Variants in PROC observed in about 807,000 individuals in gnomAD.
The protein encoded by PROC is vitamin K-dependent protein C.
PROC carries 22 observed loss-of-function variants against 36.3 expected under a neutral mutation model. The observed-to-expected ratio is 0.61, with a 90% CI of 0.43 to 0.86. The LOEUF (loss-of-function observed/expected upper bound fraction) is 0.86. Ranked by LOEUF, PROC falls within the 40% of genes least tolerant of loss-of-function variation. The probability of loss-of-function intolerance (pLI) is 0.00; values close to 1 mark genes in which losing one functional copy is unlikely to be tolerated. For synonymous variants in PROC, 218 were observed against 244.5 expected (o/e 0.89, Z 1.01); for missense variants, 526 against 629.7 (o/e 0.84, Z 1.76).
chr2:127,420,107 T>G, intron 2 of PROC, 95 bp downstream of exon 2: 2 of 1,401,706 alleles, frequency 1.4e-6, no homozygotes, highest in Non-Finnish European at 2.0e-6. Context: ...ACCATCTCTC[T>G]GAGCCCTGGG....
intron 6 of PROC, among the ~76,000 whole-genome samples, 174 bp from the exon 7 acceptor site, chr2:127,425,911 A>T (rs934824621): frequency 6.6e-6 from 1 of 152,122 alleles, no homozygotes; most frequent in Non-Finnish European, 1.5e-5. Context: ...TGACTGACTG[A>T]CTGGCTGACT....
At chr2:127,424,205 T>C (rs937356410) in intron 6 of PROC, among the ~76,000 whole-genome samples, 4 of 151,962 alleles carry the variant, frequency 2.6e-5, no homozygotes, top group Admixed American at 2.6e-4. Context: ...TTCTTTTTTT[T>C]CTTTTTTTTT....
intron 3 of PROC, among the ~76,000 whole-genome samples, 170 bp from the exon 4 acceptor site, chr2:127,422,747 G>C (rs1474179783): frequency 6.6e-6 from 1 of 151,776 alleles, no homozygotes. Flanking sequence ...GAGGGCGGGG[G>C]AGGGGCAGGG....
At chr2:127,420,044 T>C (rs1053834125) in intron 2 of PROC, 32 bp downstream of exon 2, 29 of 1,609,534 alleles carry the variant, frequency 1.8e-5, no homozygotes, top group South Asian at 8.8e-5. Flanking sequence ...CCCGGGACCC[T>C]TGTGGCCTCT....
chr2:127,421,787 G>A (rs1288780057), intron 3 of PROC, among the ~76,000 whole-genome samples: 4 of 152,206 alleles, frequency 2.6e-5, no homozygotes, highest in Admixed American at 1.3e-4. Flanking sequence ...AGACCACCCT[G>A]CTTCCACCCA....
chr2:127,427,031 A>G, intron 7 of PROC, 74 bp from the exon 8 acceptor site: 1 of 1,314,330 alleles, frequency 7.6e-7, no homozygotes, highest in Non-Finnish European at 1.1e-6. Context: ...GAAAGTGCAT[A>G]TGAAACCCAG....
At position 127,418,793 on chromosome 2, in the gene PROC, T is replaced by A. The variant is rs563007884; in HGVS notation, c.-22+301T>A. Among the ~76,000 whole-genome samples the A allele has an allele frequency of 4.9e-4, 74 of 152,190 alleles. No homozygotes were observed. The highest frequency in any genetic ancestry group is 9.7e-4 in the Non-Finnish European group (66 of 68,022). The stretch of plus-strand genomic sequence containing the variant: ...CACCCCACTTCCACCTTTGGGGGTG[T>A]CGGATTTGAACAAATCTCAGAAGTG... On this transcript the variant is annotated intron_variant, in intron 1 of 8. Transcript: ENST00000234071. The surrounding 1 kb of genome is among the most constrained non-coding windows in gnomAD (Gnocchi z 4.8).
At chr2:127,424,216 G>C (rs765709032) in intron 6 of PROC, among the ~76,000 whole-genome samples, 3 of 143,556 alleles carry the variant, frequency 2.1e-5, no homozygotes, top group Admixed American at 1.4e-4. Flanking sequence ...CTTTTTTTTT[G>C]AGATGGAGTT....
chr2:127,421,508 G>T, intron 3 of PROC, 59 bp downstream of exon 3: 1 of 1,594,192 alleles, frequency 6.3e-7, no homozygotes, highest in Non-Finnish European at 8.6e-7. Context: ...ACCAGCAGGG[G>T]CCTCGAGGAG....
At position 127,428,943 on chromosome 2, in the gene PROC, T is replaced by G. The variant is rs1486163339; in HGVS notation, c.1383T>G (p.Pro461=). Residue 461 remains proline (P), a synonymous_variant, in exon 9 of 9, where the codon CCT becomes CCG. Transcript: ENST00000234071. ...DKEAPQKSWA[P] is the part of the protein sequence containing the mutation. ...AAGCCCCCCAGAAGAGCTGGGCACCTTAGCGACCCTCCCTGCAGGGCTGGG... is the reference window on the plus strand; with the variant it reads ...AAGCCCCCCAGAAGAGCTGGGCACCGTAGCGACCCTCCCTGCAGGGCTGGG... 6.2e-7 allele frequency: 1 copy of G among 1,613,846 alleles called. No homozygotes were observed. Among genetic ancestry groups the G allele is most frequent in the South Asian group, 1.1e-5 (1 of 91,080 alleles).
intron 4 of PROC, 34 bp downstream of exon 4, chr2:127,422,975 G>A (rs1345535240): frequency 6.2e-7 from 1 of 1,611,484 alleles, no homozygotes; most frequent in Non-Finnish European, 8.5e-7. Context: ...CTGGACTACC[G>A]GCGCCCGCGC....
Position 127,420,023 on chromosome 2 carries a change from C to T in PROC, c.70+11C>T. 4 of 1,612,740 alleles carry T rather than the reference C, an allele frequency of 2.5e-6. No homozygotes were observed. Among genetic ancestry groups the T allele is most frequent in the South Asian group, 1.1e-5 (1 of 91,022 alleles). On this transcript the variant is annotated intron_variant, in intron 2 of 8. Coordinates refer to ENST00000234071, the MANE Select transcript of PROC (RefSeq NM_000312.4). ...CACCAGCTCCTCTTGGTAAGGCCACCCCACCCCTACCCCGGGACCCTTGTG... is the reference window on the plus strand; with the variant it reads ...CACCAGCTCCTCTTGGTAAGGCCACTCCACCCCTACCCCGGGACCCTTGTG...
At chr2:127,420,676 C>T (rs1485559840) in intron 2 of PROC, among the ~76,000 whole-genome samples, 3 of 152,090 alleles carry the variant, frequency 2.0e-5, no homozygotes, top group African/African-American at 7.2e-5. Context: ...GTGCCCTGCA[C>T]CCAAGACAGA....
At chr2:127,422,834 C>T (rs1688189094) in intron 3 of PROC, 83 bp from the exon 4 acceptor site, 1 of 1,527,900 alleles carries the variant, frequency 6.5e-7, no homozygotes, top group African/African-American at 1.4e-5. Context: ...CCCCTGCCCG[C>T]TCACCCGCTG....
At chr2:127,420,060 G>A in intron 2 of PROC, 48 bp downstream of exon 2, 1 of 1,595,722 alleles carries the variant, frequency 6.3e-7, no homozygotes, top group Non-Finnish European at 8.6e-7. Context: ...CCTCTACAAG[G>A]CCCTGGTGGG....
chr2:127,427,734 T>C (rs1248854546), intron 8 of PROC, among the ~76,000 whole-genome samples: 1 of 152,210 alleles, frequency 6.6e-6, no homozygotes, highest in African/African-American at 2.4e-5. Flanking sequence ...GGCTCAACTC[T>C]TTATGCCAAA....
rs753097748 is a variant in PROC, at chr2:127,426,187, T to C, written c.638T>C (p.Ile213Thr). Residue 213 changes from isoleucine (I) to threonine (T), a missense_variant, in exon 7 of 9, where the codon ATT (isoleucine) becomes ACT (threonine). Coordinates refer to ENST00000234071, the MANE Select transcript of PROC (RefSeq NM_000312.4). This position sits in a 1 kb window ranked among gnomAD's most constrained non-coding sequence, Gnocchi z 7.0. ...GAAGACCAAGTAGATCCGCGGCTCA[T>C]TGATGGGAAGATGACCAGGCGGGGA... ...DQEDQVDPRLIDGKMTRRGDS... is the reference protein window; with the variant it reads ...DQEDQVDPRLTDGKMTRRGDS... 32 of 1,613,990 alleles carry C rather than the reference T, an allele frequency of 2.0e-5. No homozygotes were observed. The highest frequency in any genetic ancestry group is 1.6e-4 in the South Asian group (15 of 91,082).
intron 2 of PROC, among the ~76,000 whole-genome samples, chr2:127,420,952 G>T (rs931674599): frequency 4.6e-5 from 7 of 152,152 alleles, no homozygotes; most frequent in African/African-American, 1.7e-4. Flanking sequence ...TTTACATGAC[G>T]GTCTCATCCC....
rs112862143 is a variant in PROC at position 127,428,353 on chromosome 2, G to A, written c.797-4G>A. The A allele has an allele frequency of 6.8e-6, 11 of 1,613,708 alleles. No individual in the cohort carries two copies. The highest frequency in any genetic ancestry group is 9.3e-6 in the Non-Finnish European group (11 of 1,179,968). ...CCACTCTGACTGTGCCCTCTGCCCTGCAGGAGAGTATGACCTGCGGCGCTG... is the reference window on the plus strand; with the variant it reads ...CCACTCTGACTGTGCCCTCTGCCCTACAGGAGAGTATGACCTGCGGCGCTG... On this transcript the variant is annotated splice_polypyrimidine_tract_variant and splice_region_variant and intron_variant, in intron 8 of 8. Transcript: ENST00000234071.
Sources: allele counts gnomAD v4.1 joint callset (sites outside exome capture counted in the v4.1 genomes callset), GRCh38; gene constraint gnomAD v4.1.1; non-coding constraint Gnocchi (gnomAD v3.1); transcripts MANE v1.5; gene names NCBI Gene and HGNC (gene_info 2026-07-23, HGNC 2026-07-21).